The following PCDH9 variants were observed in gnomAD, a reference collection of about 807,000 sequenced individuals.
The protein encoded by PCDH9 is protocadherin-9.
In PCDH9, 24 loss-of-function variants were observed where a neutral mutation model predicts 70.6. The observed-to-expected ratio is 0.34, with a 90% CI of 0.25 to 0.48. The LOEUF is 0.48. PCDH9 is among the 20% of genes least tolerant of loss of function. The probability of loss-of-function intolerance (pLI) is 0.99; values close to 1 mark genes in which losing one functional copy is unlikely to be tolerated. For missense variants in PCDH9, 1,281 were observed against 1,503.6 expected (o/e 0.85, Z 2.45); for synonymous variants, 562 against 558.5 (o/e 1.01, Z -0.09).
rs116224472 is a variant in PCDH9 at position 66,818,387 on chromosome 13, G to A, written c.3138+85117C>T. The stretch of plus-strand genomic sequence containing the variant: ...TTTGATAAGGTTTTTCAGGAGAGAA[G>A]GATTTACTTCAAATCCAAATTTAAT... On this transcript the variant is annotated intron_variant, in intron 3 of 4. Transcript: ENST00000377865. Among the ~76,000 whole-genome samples, 938 of 152,116 alleles carry A rather than the reference G, an allele frequency of 6.2e-3. 12 individuals are homozygous for A. Among genetic ancestry groups the A allele is most frequent in the African/African-American group, 0.021 (875 of 41,504 alleles).
At chr13:66,365,244 T>C (rs1956535236) in intron 4 of PCDH9, among the ~76,000 whole-genome samples, 1 of 152,194 alleles carries the variant, frequency 6.6e-6, no homozygotes, top group African/African-American at 2.4e-5. Context: ...AGGTTCTGTC[T>C]TGGAGAAATG....
intron 4 of PCDH9, among the ~76,000 whole-genome samples, chr13:66,368,143 C>A (rs534313891): frequency 6.6e-6 from 1 of 152,000 alleles, no homozygotes; most frequent in South Asian, 2.1e-4. Flanking sequence ...AAAAATAGTG[C>A]ATTTTTAAGG....
chr13:66,428,708 T>C (rs527974121), intron 4 of PCDH9, among the ~76,000 whole-genome samples: 7 of 151,912 alleles, frequency 4.6e-5, no homozygotes, highest in Non-Finnish European at 1.0e-4. Context: ...ACGAGATATT[T>C]AGGGTAAATG....
At chr13:67,052,381 T>C (rs919796054) in intron 2 of PCDH9, among the ~76,000 whole-genome samples, 5 of 151,270 alleles carry the variant, frequency 3.3e-5, no homozygotes, top group Admixed American at 2.0e-4. Flanking sequence ...AAATAAGAGG[T>C]TAATGGGCTC....
rs541953331 is a variant in PCDH9 at position 66,356,318 on chromosome 13, T to A, written c.3341-51290A>T. Reference sequence around the variant, plus strand: ...AAGTCTTGTATTTTAAAGGATAGTTTGAAACCCACTCTCTAAATAAATCTG... The same window carrying A: ...AAGTCTTGTATTTTAAAGGATAGTTAGAAACCCACTCTCTAAATAAATCTG... On this transcript the variant is annotated intron_variant, in intron 4 of 4. Coordinates refer to ENST00000377865, the MANE Select transcript of PCDH9 (RefSeq NM_203487.3). 4.6e-5 allele frequency among the ~76,000 whole-genome samples: 7 copies of A among 152,244 alleles called. No individual in the cohort carries two copies. The East Asian group carries it at 1.4e-3, about 29-fold the overall frequency.
intron 4 of PCDH9, among the ~76,000 whole-genome samples, chr13:66,414,818 A>C (rs1171378251): frequency 6.6e-6 from 1 of 152,188 alleles, no homozygotes; most frequent in Non-Finnish European, 1.5e-5. Flanking sequence ...TGCCCCCCAG[A>C]AAATAAACAG....
At chr13:66,976,465 T>C (rs1197201051) in intron 2 of PCDH9, among the ~76,000 whole-genome samples, 1 of 152,122 alleles carries the variant, frequency 6.6e-6, no homozygotes, top group Non-Finnish European at 1.5e-5. Flanking sequence ...TTTCAGTACC[T>C]GAATTTTTTC....
At chr13:66,338,168 G>T (rs1046547625) in intron 4 of PCDH9, among the ~76,000 whole-genome samples, 1 of 152,062 alleles carries the variant, frequency 6.6e-6, no homozygotes, top group African/African-American at 2.4e-5. Context: ...AAATCATGTA[G>T]CATAGCACAC....
intron 2 of PCDH9, among the ~76,000 whole-genome samples, chr13:67,072,027 G>A (rs554112051): frequency 6.6e-6 from 1 of 152,150 alleles, no homozygotes; most frequent in African/African-American, 2.4e-5. Flanking sequence ...AAGCTGTAGA[G>A]TTTTGCATAA....
At chr13:66,707,341 AAG>A (rs1338851406) in intron 3 of PCDH9, among the ~76,000 whole-genome samples, 1 of 152,204 alleles carries the variant, frequency 6.6e-6, no homozygotes, top group Non-Finnish European at 1.5e-5. Context: ...ACCATATTGA[AAG>A]AGACACTACG....
At chr13:66,598,762 GA>G (rs2077131481) in intron 4 of PCDH9, among the ~76,000 whole-genome samples, 1 of 151,790 alleles carries the variant, frequency 6.6e-6, no homozygotes, top group Admixed American at 6.6e-5. Flanking sequence ...TGTTTTAAGG[GA>G]AAAGGGAAAA....
chr13:67,154,474 G>C (rs1319760727), intron 2 of PCDH9, among the ~76,000 whole-genome samples: 1 of 150,758 alleles, frequency 6.6e-6, no homozygotes, highest in African/African-American at 2.4e-5. Context: ...CTATTGGGGA[G>C]GCTGAGGCAG....
At chr13:67,042,575 C>A (rs969727467) in intron 2 of PCDH9, among the ~76,000 whole-genome samples, 1 of 152,082 alleles carries the variant, frequency 6.6e-6, no homozygotes, top group African/African-American at 2.4e-5. Flanking sequence ...GCAGTTAATT[C>A]TCTGAAATTT....
chr13:66,981,029 T>A (rs1401718711), intron 2 of PCDH9, among the ~76,000 whole-genome samples: 1 of 152,170 alleles, frequency 6.6e-6, no homozygotes. Flanking sequence ...AAATCTATTT[T>A]AAACGTGTAC....
chr13:66,357,702 T>A (rs570428030), intron 4 of PCDH9, among the ~76,000 whole-genome samples: 55 of 152,066 alleles, frequency 3.6e-4, no homozygotes, highest in Non-Finnish European at 6.2e-4. Flanking sequence ...CCGTGACGAA[T>A]AACAATTATG....
intron 2 of PCDH9, among the ~76,000 whole-genome samples, chr13:67,137,884 G>A (rs900725682): frequency 6.6e-6 from 1 of 151,904 alleles, no homozygotes; most frequent in African/African-American, 2.4e-5. Context: ...AAAAAGGAGA[G>A]GAAATATGTT....
chr13:66,477,812 A>G (rs1386558992), intron 4 of PCDH9, among the ~76,000 whole-genome samples: 2 of 152,234 alleles, frequency 1.3e-5, no homozygotes, highest in Non-Finnish European at 2.9e-5. Flanking sequence ...TGCTTTATCT[A>G]TCCTCATCCT....
In PCDH9 at chr13:66,745,102, C is replaced by T. The variant is rs2079338831; in HGVS notation, c.3139-113691G>A. On this transcript the variant is annotated intron_variant, in intron 3 of 4. Transcript: ENST00000377865. The stretch of plus-strand genomic sequence containing the variant: ...CTCATCTGAAAAACAGAAATAATAG[C>T]ACCCCACTCATAAGGATGTTTTGAA... Among the ~76,000 whole-genome samples the T allele has an allele frequency of 2.0e-5, 3 of 152,104 alleles. No individual in the cohort carries two copies. In the South Asian group the frequency reaches 6.2e-4, roughly 31 times the overall value.
intron 2 of PCDH9, among the ~76,000 whole-genome samples, chr13:67,186,439 A>C (rs77398092): frequency 0.012 from 1,808 of 152,298 alleles, 23 homozygotes; most frequent in Middle Eastern, 0.061. Context: ...TGTACATCGT[A>C]ATCACCTGGA....
Sources: gnomAD v4.1 joint callset for allele counts (sites outside exome capture counted in the v4.1 genomes callset) on GRCh38, gnomAD v4.1.1 for gene constraint, MANE v1.5 for transcripts, NCBI Gene and HGNC (gene_info 2026-07-23, HGNC 2026-07-21) for gene names.